Variants in NDUFB6 observed in about 807,000 individuals in gnomAD.
NDUFB6 encodes the protein NADH:ubiquinone oxidoreductase subunit B6.
Under a neutral mutation model 17.5 loss-of-function variants are expected in NDUFB6, and 23 were observed. The observed-to-expected ratio is 1.31, with a 90% CI of 0.94 to 1.86. The LOEUF is 1.86. NDUFB6 is among the 40% of genes most tolerant of loss of function. The probability of loss-of-function intolerance (pLI) is 0.00; values close to 1 mark genes in which losing one functional copy is unlikely to be tolerated. For missense variants in NDUFB6, 167 were observed against 153.8 expected, an observed-to-expected ratio of 1.09 and a Z score of -0.46; for synonymous variants, 60 against 53.5, an observed-to-expected ratio of 1.12 and a Z score of -0.53.
chr9:32,566,867 G>T, intron 2 of NDUFB6: 1 of 665,898 alleles, frequency 1.5e-6, no homozygotes, highest in Non-Finnish European at 2.5e-6. Flanking sequence ...GCCTGGATGA[G>T]CCACGCGTGC....
intron 2 of NDUFB6, among the ~76,000 whole-genome samples, chr9:32,570,196 T>TACCAATATCCTATACTA (rs1821908355): frequency 1.3e-5 from 2 of 152,176 alleles, no homozygotes; most frequent in African/African-American, 4.8e-5. Context: ...TCTGCTCAGG[T>TACCAATATCCTATACTA]ACCAATATCC....
chr9:32,570,165 T>C (rs1322185244), intron 2 of NDUFB6, among the ~76,000 whole-genome samples: 3 of 152,158 alleles, frequency 2.0e-5, no homozygotes, highest in African/African-American at 7.2e-5. Flanking sequence ...ATACCATCCT[T>C]CTTCCAGATG....
In NDUFB6 at chr9:32,573,083, A is replaced by C. The variant is rs768048014; in HGVS notation, c.-23T>G. On this transcript the variant is annotated 5_prime_UTR_variant, in exon 1 of 4. Transcript: ENST00000379847. ...CATGTCGCCGCTGGTACCAACGCAA[A>C]AGGACACGGCGCACCCTCGAACTAC... The C allele has an allele frequency of 1.4e-5, 22 of 1,525,804 alleles. No individual in the cohort carries two copies. The highest frequency in any genetic ancestry group is 1.7e-5 in the Non-Finnish European group (19 of 1,133,908). The allele number at this position is 1,525,804 out of a possible 1,614,324, so 94.5% of individuals were successfully genotyped here.
chr9:32,559,761 T>C (rs1821575404), intron 2 of NDUFB6, among the ~76,000 whole-genome samples: 1 of 152,180 alleles, frequency 6.6e-6, no homozygotes, highest in African/African-American at 2.4e-5. Flanking sequence ...TCTATAGACT[T>C]GTTCTCCTAT....
At chr9:32,565,848 T>C (rs1010962635) in intron 2 of NDUFB6, among the ~76,000 whole-genome samples, 1 of 152,096 alleles carries the variant, frequency 6.6e-6, no homozygotes, top group Non-Finnish European at 1.5e-5. Flanking sequence ...GGCACATACC[T>C]GTAATCCTAG....
At chr9:32,562,232 A>T (rs1173620633) in intron 2 of NDUFB6, among the ~76,000 whole-genome samples, 4 of 152,162 alleles carry the variant, frequency 2.6e-5, no homozygotes, top group Non-Finnish European at 5.9e-5. Context: ...TTTACTATAA[A>T]GTCTTTGAGG....
chr9:32,572,242 C>A (rs1469055211), intron 1 of NDUFB6, among the ~76,000 whole-genome samples: 1 of 152,150 alleles, frequency 6.6e-6, no homozygotes, highest in Non-Finnish European at 1.5e-5. Flanking sequence ...CATAACAGTC[C>A]TCAAGAAAAT....
chr9:32,557,036 A>ATACTACTATTTTT (rs915575426), intron 3 of NDUFB6, among the ~76,000 whole-genome samples: 3 of 148,994 alleles, frequency 2.0e-5, no homozygotes, highest in African/African-American at 7.4e-5. Context: ...ATTTTTATTA[A>ATACTACTATTTTT]TAGTAGAGAT....
chr9:32,563,608 G>A (rs2119019177), intron 2 of NDUFB6, among the ~76,000 whole-genome samples: 1 of 151,608 alleles, frequency 6.6e-6, no homozygotes, highest in East Asian at 1.9e-4. Context: ...ACAGGTGTGA[G>A]CCACTGTGCC....
At chr9:32,564,728 G>C (rs1821729279) in intron 2 of NDUFB6, among the ~76,000 whole-genome samples, 1 of 152,110 alleles carries the variant, frequency 6.6e-6, no homozygotes, top group South Asian at 2.1e-4. Flanking sequence ...CATATTATCT[G>C]AGATGATAGT....
chr9:32,572,851 TG>T (rs750656406), intron 1 of NDUFB6, 29 bp downstream of exon 1: 10 of 1,527,270 alleles, frequency 6.5e-6, no homozygotes, highest in East Asian at 2.3e-5. Flanking sequence ...TGGGATGTGT[TG>T]GGGGGGACCG....
At chr9:32,558,737 T>C (rs749726869) in intron 3 of NDUFB6, among the ~76,000 whole-genome samples, 173 bp downstream of exon 3, 35 of 150,670 alleles carry the variant, frequency 2.3e-4, no homozygotes, top group Non-Finnish European at 1.9e-4. Flanking sequence ...CCTCACGGTA[T>C]TTCTTCCTGT....
chr9:32,565,955 A>T (rs963455591), intron 2 of NDUFB6, among the ~76,000 whole-genome samples: 1 of 152,112 alleles, frequency 6.6e-6, no homozygotes, highest in African/African-American at 2.4e-5. Flanking sequence ...CTGGGCAACG[A>T]AAGTGAAACT....
chr9:32,564,337 T>G (rs1458602787), intron 2 of NDUFB6, among the ~76,000 whole-genome samples: 1 of 152,184 alleles, frequency 6.6e-6, no homozygotes, highest in African/African-American at 2.4e-5. Context: ...CAGGCATACC[T>G]TACTTTATTG....
At chr9:32,563,307 A>C (rs1821680707) in intron 2 of NDUFB6, among the ~76,000 whole-genome samples, 1 of 152,080 alleles carries the variant, frequency 6.6e-6, no homozygotes. Flanking sequence ...AAGTATTTTA[A>C]AATTAGTATT....
chr9:32,566,854 G>A, intron 2 of NDUFB6: 1 of 780,396 alleles, frequency 1.3e-6, no homozygotes, highest in Non-Finnish European at 2.1e-6. Flanking sequence ...TAGCTGCCGG[G>A]CGGCCTGGAT....
intron 2 of NDUFB6, chr9:32,565,247 C>G (rs7874777): frequency 0.19 from 28,374 of 151,576 alleles, 2,996 homozygotes; most frequent in Non-Finnish European, 0.25. Flanking sequence ...GAGCCGAGAT[C>G]GCGCCACTGC....
chr9:32,568,579 T>C lies in NDUFB6; in HGVS notation c.273+2381A>G, dbSNP rs890246905. The C allele has an allele frequency of 6.8e-5, 12 of 176,294 alleles. 2 individuals carry two copies. The South Asian group carries it at 2.0e-3, about 30-fold the overall frequency. The allele number at this position is 176,294 out of a possible 1,614,324, so 10.9% of individuals were successfully genotyped here. A position where few individuals can be genotyped will look rare whatever the true frequency, so the allele number is the denominator to read the frequency against. The stretch of plus-strand genomic sequence containing the variant: ...TATGCTATCAAACAGCATCTCATGC[T>C]ACAGAGATATCTTTCGTGAAAATAA... On this transcript the variant is annotated intron_variant, in intron 2 of 3. Transcript: ENST00000379847.
intron 2 of NDUFB6, among the ~76,000 whole-genome samples, chr9:32,563,709 T>G (rs1349772151): frequency 1.3e-5 from 2 of 152,182 alleles, no homozygotes; most frequent in Non-Finnish European, 2.9e-5. Flanking sequence ...ATTCTATCAT[T>G]CAGCAAATTA....
Sources: allele counts gnomAD v4.1 joint callset (sites outside exome capture counted in the v4.1 genomes callset), GRCh38; gene constraint gnomAD v4.1.1; transcripts MANE v1.5; gene names NCBI Gene and HGNC (gene_info 2026-07-23, HGNC 2026-07-21).